Variants in ABCA3 observed in about 807,000 individuals in gnomAD.
ABCA3 encodes the protein phospholipid-transporting ATPase ABCA3.
ABCA3 carries 88 observed loss-of-function variants against 172.8 expected under a neutral mutation model. That is an observed-to-expected ratio of 0.51 (90% CI 0.43 to 0.61). The LOEUF is 0.61. ABCA3 is among the 20% of genes least tolerant of loss of function. The pLI, the probability that ABCA3 is intolerant of heterozygous loss-of-function variation, is 0.00. For missense variants in ABCA3, 2,164 were observed against 2,301.0 expected, an observed-to-expected ratio of 0.94 and a Z score of 1.22; for synonymous variants, 1,066 against 983.8, an observed-to-expected ratio of 1.08 and a Z score of -1.56.
rs758933789 is a variant in ABCA3 at position 2,323,606 on chromosome 16, T to C, written c.530A>G (p.Glu177Gly). 60 of 1,614,104 alleles carry C rather than the reference T, an allele frequency of 3.7e-5. No homozygotes were observed. The East Asian group carries it at 1.0e-3, about 28-fold the overall frequency. Reference sequence around the variant, plus strand: ...GAAAAGGGAAGTAGTGTGCCAGCCTTCTGTCTCTTTCAGGAAAAAGGAGCC... The same window carrying C: ...GAAAAGGGAAGTAGTGTGCCAGCCTCCTGTCTCTTTCAGGAAAAAGGAGCC... ...QTGSFFLKET[E>G]GWHTTSLFPL... The change falls in exon 7 of 33, where the codon GAA becomes GGA. Residue 177 changes from glutamate (E) to glycine (G), a missense_variant. Glu to Gly is a moderately conservative substitution (Grantham distance 98). Around this residue, in one of 3 missense-constraint regions of ABCA3, gnomAD observed 1,343 missense variants for 1,369.6 expected, o/e 0.98. Coordinates refer to ENST00000301732, the MANE Select transcript of ABCA3 (RefSeq NM_001089.3).
rs1221993700 is a variant in ABCA3 at position 2,292,308 on chromosome 16, A to AC, written c.2415-71dup. ...CTAGATAATTTGTTCCTAAAGCATC[A>AC]CCCCCCCTCGGCCAGGCACAGTGCC... On this transcript the variant is annotated intron_variant, in intron 18 of 32. Transcript: ENST00000301732. The AC allele has an allele frequency of 4.2e-5, 58 of 1,391,170 alleles. 1 individual carries two copies. Among genetic ancestry groups the AC allele is most frequent in the Admixed American group, 5.4e-5 (3 of 55,550 alleles). 86.2% of individuals were successfully genotyped at this position (1,391,170 alleles called of 1,614,324 possible).
intron 11 of ABCA3, among the ~76,000 whole-genome samples, chr16:2,306,753 C>T (rs572263750): frequency 4.6e-5 from 7 of 152,152 alleles, no homozygotes; most frequent in East Asian, 1.9e-4. Flanking sequence ...GGGCGGCTCA[C>T]GCCTGTAATC....
rs559002318 is a variant in ABCA3 at position 2,310,397 on chromosome 16, ACT to A, written c.1112-1776_1112-1775del. ...CACTCCATCCTAGCGACAGAGTGAG[ACT>A]CTGTCTCAAAACAAACAAACAAACA... On this transcript the variant is annotated intron_variant, in intron 10 of 32. Coordinates refer to ENST00000301732, the MANE Select transcript of ABCA3 (RefSeq NM_001089.3). Among the ~76,000 whole-genome samples the A allele has an allele frequency of 1.3e-4, 19 of 151,056 alleles. No individual in the cohort carries two copies. The East Asian group carries it at 3.7e-3, about 29-fold the overall frequency.
intron 12 of ABCA3, among the ~76,000 whole-genome samples, chr16:2,301,160 G>A (rs910082681): frequency 8.7e-5 from 13 of 149,842 alleles, no homozygotes; most frequent in Admixed American, 1.3e-4. Context: ...GAACCCGGGA[G>A]GCGGAGCTTG....
At position 2,308,455 on chromosome 16, in the gene ABCA3, G is replaced by C; in HGVS notation, c.1280C>G (p.Ala427Gly). ...TGGACAAGGCAAACACTCACCTTTC[G>C]CCTCAAATTTCCCAATGAGCTGGGC... ...MGAQLIGKFEAKGMGIQWRDL... is the reference protein window; with the variant it reads ...MGAQLIGKFEGKGMGIQWRDL... Residue 427 changes from alanine (A) to glycine (G), a missense_variant, in exon 11 of 33, where the codon GCG (alanine) becomes GGG (glycine). Ala to Gly is a moderately conservative substitution (Grantham distance 60). Coordinates refer to ENST00000301732, the MANE Select transcript of ABCA3 (RefSeq NM_001089.3). 6.2e-7 allele frequency: 1 copy of C among 1,614,110 alleles called. No homozygotes were observed. Among genetic ancestry groups the C allele is most frequent in the Non-Finnish European group, 8.5e-7 (1 of 1,180,000 alleles).
intron 10 of ABCA3, among the ~76,000 whole-genome samples, chr16:2,312,103 C>T (rs920166104): frequency 6.6e-6 from 1 of 152,160 alleles, no homozygotes; most frequent in African/African-American, 2.4e-5. Flanking sequence ...TTAATGTTAT[C>T]ACTGGCTCCA....
chr16:2,304,164 C>G lies in ABCA3; in HGVS notation c.1286-14G>C, dbSNP rs781011331. The G allele has an allele frequency of 6.2e-7, 1 of 1,614,014 alleles. No individual in the cohort carries two copies. Among genetic ancestry groups the G allele is most frequent in the South Asian group, 1.1e-5 (1 of 91,072 alleles). Reference sequence around the variant, plus strand: ...GGATGCCCATGCCTGGAAGACACATCAGGAAAGTGGCCCGAAAGCCAGCAG... The same window carrying G: ...GGATGCCCATGCCTGGAAGACACATGAGGAAAGTGGCCCGAAAGCCAGCAG... On this transcript the variant is annotated splice_polypyrimidine_tract_variant and intron_variant, in intron 11 of 32. Coordinates refer to ENST00000301732, the MANE Select transcript of ABCA3 (RefSeq NM_001089.3).
rs534263027 is a variant in ABCA3 at position 2,334,061 on chromosome 16, G to A, written c.-538-4207C>T. 1.0e-3 allele frequency among the ~76,000 whole-genome samples: 155 copies of A among 152,228 alleles called. 6 individuals are homozygous for A. In the South Asian group the frequency reaches 0.031, roughly 31 times the overall value. On this transcript the variant is annotated intron_variant, in intron 1 of 32. Coordinates refer to ENST00000301732, the MANE Select transcript of ABCA3 (RefSeq NM_001089.3). ...TTGCATGCACTGTAATTGCTGTGAC[G>A]GATGCTAAATAAAGTATGGCAAGAT...
Position 2,284,849 on chromosome 16 carries a change from C to A in ABCA3, c.3633G>T (p.Thr1211=), listed in dbSNP as rs373682740. 1 of 1,613,894 alleles carries A rather than the reference C, an allele frequency of 6.2e-7. No individual in the cohort carries two copies. The highest frequency in any genetic ancestry group is 8.5e-7 in the Non-Finnish European group (1 of 1,179,974). The part of the protein sequence containing the change: ...FFFLGAATAY[T]RLTIFNILSG... ...ACAGGATGTTGAAGATGGTCAGCCTCGTGTAGGCAGTGGCCGCCCCCAAGA... is the reference window on the plus strand; with the variant it reads ...ACAGGATGTTGAAGATGGTCAGCCTAGTGTAGGCAGTGGCCGCCCCCAAGA... The change falls in exon 24 of 33, where the codon ACG becomes ACT. Residue 1211 remains threonine (T), a synonymous_variant. Coordinates refer to ENST00000301732, the MANE Select transcript of ABCA3 (RefSeq NM_001089.3). This position sits in a 1 kb window ranked among gnomAD's most constrained non-coding sequence, Gnocchi z 5.9.
intron 2 of ABCA3, among the ~76,000 whole-genome samples, chr16:2,329,445 G>A (rs920689893): frequency 6.6e-6 from 1 of 152,192 alleles, no homozygotes; most frequent in Non-Finnish European, 1.5e-5. Flanking sequence ...CCTCTACCAA[G>A]TGAGGAATAT....
At chr16:2,292,762 T>TAAACA in intron 18 of ABCA3, among the ~76,000 whole-genome samples, 1 of 151,566 alleles carries the variant, frequency 6.6e-6, no homozygotes, top group Non-Finnish European at 1.5e-5. Context: ...TCTACTAAAA[T>TAAACA]AAATAAAACA....
intron 11 of ABCA3, 37 bp downstream of exon 11, chr16:2,308,413 A>G (rs2093701160): frequency 6.2e-7 from 1 of 1,613,404 alleles, no homozygotes; most frequent in African/African-American, 1.3e-5. Context: ...AAGGTTACTG[A>G]TTCGGAAAGA....
chr16:2,288,091 T>G lies in ABCA3; in HGVS notation c.2939A>C (p.Gln980Pro), dbSNP rs370076414. The change falls in exon 21 of 33, where the codon CAG (glutamine) becomes CCG (proline). Residue 980 changes from glutamine to proline, a missense_variant. Physicochemically the swap from Gln to Pro is moderately conservative, Grantham distance 76. Transcript: ENST00000301732. ...GTCTTTCAGATGCTCTGACAGCTGC[T>G]GACCCAGCTGGGAGGTCCCGGGAAC... The part of the protein sequence containing the change: ...FSVPGTSQLG[Q>P]QLSEHLKDAL... 98 of 1,613,512 alleles carry G rather than the reference T, an allele frequency of 6.1e-5. 1 individual carries two copies. Among genetic ancestry groups the G allele is most frequent in the Non-Finnish European group, 7.7e-5 (91 of 1,179,984 alleles).
chr16:2,301,799 CTG>C (rs2093689898), intron 12 of ABCA3, among the ~76,000 whole-genome samples: 1 of 152,118 alleles, frequency 6.6e-6, no homozygotes, highest in Non-Finnish European at 1.5e-5. Flanking sequence ...GAATGGAACA[CTG>C]TGTGTCACTA....
intron 1 of ABCA3, among the ~76,000 whole-genome samples, chr16:2,338,751 CTTTTTTTTT>C (rs34719364): frequency 8.2e-6 from 1 of 121,600 alleles, no homozygotes; most frequent in South Asian, 2.6e-4. Context: ...TCCAATTCAT[CTTTTTTTTT>C]TTTTTTTTTT....
chr16:2,316,835 G>C (rs1021952247), intron 10 of ABCA3, among the ~76,000 whole-genome samples: 2 of 152,136 alleles, frequency 1.3e-5, no homozygotes, highest in African/African-American at 4.8e-5. Flanking sequence ...ACTAAAAAAA[G>C]AGAAACACAA....
At chr16:2,337,375 CT>C (rs35818080) in intron 1 of ABCA3, among the ~76,000 whole-genome samples, 11,028 of 141,948 alleles carry the variant, frequency 0.078, 1,268 homozygotes, top group African/African-American at 0.25. Context: ...AGTCTGAGGC[CT>C]TTTTTTTTTT....
In ABCA3 at chr16:2,308,440, A is replaced by C. The variant is rs1486602568; in HGVS notation, c.1285+10T>G. 6.2e-7 allele frequency: 1 copy of C among 1,613,974 alleles called. No homozygotes were observed. The highest frequency in any genetic ancestry group is 2.2e-5 in the East Asian group (1 of 44,890). On this transcript the variant is annotated intron_variant, in intron 11 of 32. Transcript: ENST00000301732. ...TCGGAAAGAACAGGCTGGACAAGGC[A>C]AACACTCACCTTTCGCCTCAAATTT...
At position 2,284,513 on chromosome 16, in the gene ABCA3, G is replaced by C; in HGVS notation, c.3704-76C>G. On this transcript the variant is annotated intron_variant, in intron 24 of 32. Transcript: ENST00000301732. This position sits in a 1 kb window ranked among gnomAD's most constrained non-coding sequence, Gnocchi z 5.9. The stretch of plus-strand genomic sequence containing the variant: ...CCTCCAGGACGGGCCTGGTCAGGGC[G>C]GGCACAGGGCCTTATCCGTGCTGTG... 1.9e-6 allele frequency: 3 copies of C among 1,580,792 alleles called. No homozygotes were observed. Among genetic ancestry groups the C allele is most frequent in the Non-Finnish European group, 2.6e-6 (3 of 1,152,228 alleles).
Sources: allele counts gnomAD v4.1 joint callset (sites outside exome capture counted in the v4.1 genomes callset), GRCh38; gene constraint gnomAD v4.1.1; regional missense constraint gnomAD v4.1.1; non-coding constraint Gnocchi (gnomAD v3.1); transcripts MANE v1.5; gene names NCBI Gene and HGNC (gene_info 2026-07-23, HGNC 2026-07-21).